Variants in MMADHC observed in about 807,000 individuals in gnomAD.
MMADHC encodes the protein metabolism of cobalamin associated D, also known as cobalamin trafficking protein CblD.
A neutral mutation model predicts 36.3 loss-of-function variants in MMADHC; 23 were observed. The ratio of observed to expected loss-of-function variants is 0.63; its 90% CI spans 0.46 to 0.90. MMADHC has a LOEUF of 0.90. Ranked by LOEUF, MMADHC falls within the 40% of genes least tolerant of loss-of-function variation. The pLI is 0.00. For synonymous variants in MMADHC, 97 were observed against 116.1 expected, an observed-to-expected ratio of 0.84 and a Z score of 1.06; for missense variants, 330 against 348.0, an observed-to-expected ratio of 0.95 and a Z score of 0.41.
chr2:149,579,384 T>C (rs746388949), intron 4 of MMADHC, 47 bp downstream of exon 4: 11 of 1,507,576 alleles, frequency 7.3e-6, no homozygotes, highest in Admixed American at 1.7e-5. Context: ...TCAAGTCATA[T>C]AGCATTAATA....
chr2:149,572,276 T>C (rs1682651786), intron 6 of MMADHC: 2 of 409,860 alleles, frequency 4.9e-6, no homozygotes, highest in South Asian at 3.3e-5. Flanking sequence ...GAGGCAGAGA[T>C]TGCAGTGAGC....
intron 6 of MMADHC, among the ~76,000 whole-genome samples, chr2:149,571,652 C>T (rs1408801589): frequency 2.0e-5 from 3 of 151,856 alleles, no homozygotes; most frequent in Non-Finnish European, 4.4e-5. Context: ...TGGTGGCGGG[C>T]GCCTGTAGTC....
chr2:149,571,793 A>AT (rs1682644887), intron 6 of MMADHC, among the ~76,000 whole-genome samples: 1 of 151,544 alleles, frequency 6.6e-6, no homozygotes, highest in Non-Finnish European at 1.5e-5. Context: ...AAAAAAAGAA[A>AT]AAAAAAAAGA....
Position 149,579,617 on chromosome 2 carries a change from CAT to C in MMADHC, c.184_185del (p.Met62GlyfsTer19). 6.2e-7 allele frequency: 1 copy of C among 1,613,918 alleles called. No individual in the cohort carries two copies. Among genetic ancestry groups the C allele is most frequent in the Non-Finnish European group, 8.5e-7 (1 of 1,179,936 alleles). ...CSRTVWPDETMGPFGPQDQRF... is the reference protein window; with the variant it reads ...CSRTVWPDETXGPFGPQDQRF... ...TCTGATCTTGAGGTCCAAAGGGTCCCATAGTTTCATCAGGCCACACTGTTCGA... is the reference window on the plus strand; with the variant it reads ...TCTGATCTTGAGGTCCAAAGGGTCCCAGTTTCATCAGGCCACACTGTTCGA... On this transcript the variant is annotated frameshift_variant, in exon 4 of 8. Coordinates refer to ENST00000303319, the MANE Select transcript of MMADHC (RefSeq NM_015702.3). LOFTEE classifies it high-confidence loss of function.
intron 6 of MMADHC, among the ~76,000 whole-genome samples, chr2:149,573,002 GCAAT>G (rs1429992975): frequency 6.6e-6 from 1 of 152,168 alleles, no homozygotes; most frequent in Admixed American, 6.5e-5. Context: ...CACAGCCATG[GCAAT>G]TCATTTACAT....
At chr2:149,574,455 T>C (rs556796051) in intron 6 of MMADHC, among the ~76,000 whole-genome samples, 24 of 152,296 alleles carry the variant, frequency 1.6e-4, no homozygotes, top group African/African-American at 4.8e-4. Context: ...ATAAAGACCA[T>C]ACATCTAATC....
intron 6 of MMADHC, among the ~76,000 whole-genome samples, 193 bp downstream of exon 6, chr2:149,575,518 C>T (rs980427505): frequency 7.9e-5 from 12 of 152,042 alleles, no homozygotes; most frequent in African/African-American, 2.7e-4. Context: ...AAGTAATAAA[C>T]AGAATCTAAA....
At chr2:149,585,513 A>G (rs1387208364) in intron 2 of MMADHC, among the ~76,000 whole-genome samples, 2 of 152,240 alleles carry the variant, frequency 1.3e-5, no homozygotes, top group Non-Finnish European at 2.9e-5. Context: ...AGAAATCGCA[A>G]TATTTACACA....
rs781704226 is a variant in MMADHC, at chr2:149,582,130, T to C, written c.151A>G (p.Ile51Val). 6.8e-6 allele frequency: 11 copies of C among 1,613,858 alleles called. No individual in the cohort carries two copies. Among genetic ancestry groups the C allele is most frequent in the South Asian group, 5.5e-5 (5 of 91,078 alleles). The change falls in exon 3 of 8, where the codon ATA becomes GTA. Residue 51 changes from isoleucine to valine, a missense_variant. Coordinates refer to ENST00000303319, the MANE Select transcript of MMADHC (RefSeq NM_015702.3). ...AGCAGTAACAACTTTCACTTACATA[T>C]ATCTGGAGGTGCAGCAGCCACATGA... ...ESHVAAAPPDICSRTVWPDET... is the reference protein window; with the variant it reads ...ESHVAAAPPDVCSRTVWPDET...
At chr2:149,570,663 A>C (rs1229994276) in intron 7 of MMADHC, among the ~76,000 whole-genome samples, 1 of 152,230 alleles carries the variant, frequency 6.6e-6, no homozygotes, top group Admixed American at 6.5e-5. Context: ...GTATAACCTT[A>C]TAAATGTTAA....
intron 6 of MMADHC, among the ~76,000 whole-genome samples, chr2:149,572,601 G>A (rs1396758312): frequency 6.6e-6 from 1 of 152,114 alleles, no homozygotes; most frequent in Non-Finnish European, 1.5e-5. Context: ...AAGTAATGGT[G>A]TCACTGGAGC....
chr2:149,572,007 GCT>G (rs772362499), intron 6 of MMADHC, among the ~76,000 whole-genome samples: 7 of 151,972 alleles, frequency 4.6e-5, no homozygotes, highest in Non-Finnish European at 7.4e-5. Flanking sequence ...CAAGGTACTT[GCT>G]TTTCATTATA....
At position 149,576,513 on chromosome 2, in the gene MMADHC, A is replaced by T. The variant is rs1451550909; in HGVS notation, c.402T>A (p.Ile134=). The T allele has an allele frequency of 2.5e-6, 4 of 1,613,466 alleles. No individual in the cohort carries two copies. Among genetic ancestry groups the T allele is most frequent in the Non-Finnish European group, 3.4e-6 (4 of 1,179,588 alleles). Residue 134 remains isoleucine, a synonymous_variant, in exon 5 of 8, where the codon ATT becomes ATA. Coordinates refer to ENST00000303319, the MANE Select transcript of MMADHC (RefSeq NM_015702.3). The part of the protein sequence containing the change: ...QGNDAPVEQE[I]NSAETYFESA... Reference sequence around the variant, plus strand: ...TTTCAAAGTAAGTTTCTGCACTGTTAATTTCTTGTTCAACAGGTGCATCAT... The same window carrying T: ...TTTCAAAGTAAGTTTCTGCACTGTTTATTTCTTGTTCAACAGGTGCATCAT...
intron 7 of MMADHC, 74 bp downstream of exon 7, chr2:149,571,011 A>C: frequency 5.7e-6 from 7 of 1,224,402 alleles, no homozygotes; most frequent in Non-Finnish European, 8.4e-6. Flanking sequence ...TCTATTACCA[A>C]AGTTATAAAC....
intron 6 of MMADHC, among the ~76,000 whole-genome samples, chr2:149,572,748 G>C (rs1682662477): frequency 1.3e-5 from 2 of 152,126 alleles, no homozygotes; most frequent in African/African-American, 4.8e-5. Context: ...GGGCTGAGCT[G>C]TGCACTCATG....
At chr2:149,583,042 G>A (rs1034621806) in intron 2 of MMADHC, among the ~76,000 whole-genome samples, 2 of 152,086 alleles carry the variant, frequency 1.3e-5, no homozygotes, top group Non-Finnish European at 2.9e-5. Flanking sequence ...ACTTTCCCAC[G>A]ACAATGGCAG....
chr2:149,576,308 C>G (rs913453058), intron 5 of MMADHC, 129 bp downstream of exon 5: 2 of 713,466 alleles, frequency 2.8e-6, no homozygotes, highest in South Asian at 1.6e-5. Flanking sequence ...CTTGGCCATG[C>G]AATCATTTCC....
At chr2:149,580,129 C>T (rs1198746879) in intron 3 of MMADHC, among the ~76,000 whole-genome samples, 1 of 152,138 alleles carries the variant, frequency 6.6e-6, no homozygotes, top group African/African-American at 2.4e-5. Flanking sequence ...CCTCAGCCTC[C>T]CAAGTAGCTG....
intron 2 of MMADHC, among the ~76,000 whole-genome samples, chr2:149,584,563 A>T (rs891245230): frequency 1.4e-4 from 21 of 152,162 alleles, no homozygotes; most frequent in African/African-American, 5.1e-4. Flanking sequence ...ATATTTTGAC[A>T]TTCTTTTCTT....
Sources: allele counts gnomAD v4.1 joint callset (sites outside exome capture counted in the v4.1 genomes callset), GRCh38; gene constraint gnomAD v4.1.1; transcripts MANE v1.5; gene names NCBI Gene and HGNC (gene_info 2026-07-23, HGNC 2026-07-21).